Variants in TTC21B observed in about 807,000 individuals in gnomAD.
TTC21B encodes the protein tetratricopeptide repeat domain 21B, also known as tetratricopeptide repeat protein 21B.
In TTC21B, 127 loss-of-function variants were observed where a neutral mutation model predicts 175.1. The observed-to-expected ratio is 0.73, with a 90% confidence interval of 0.63 to 0.84. The LOEUF (loss-of-function observed/expected upper bound fraction) is 0.84, where lower values mean the gene tolerates loss of function less well. Ranked by LOEUF, TTC21B falls within the 40% of genes least tolerant of loss-of-function variation. TTC21B has a pLI of 0.00. For missense variants in TTC21B, 1,561 were observed against 1,558.3 expected (o/e 1.00, Z -0.03); for synonymous variants, 524 against 524.5 (o/e 1.00, Z 0.01).
chr2:165,944,506 C>A (rs1284619620), intron 4 of TTC21B, among the ~76,000 whole-genome samples: 1 of 152,150 alleles, frequency 6.6e-6, no homozygotes, highest in Non-Finnish European at 1.5e-5. Context: ...AAACCTTCCA[C>A]AAGGAAGTAC....
At chr2:165,950,855 G>A (rs1234490417) in intron 1 of TTC21B, among the ~76,000 whole-genome samples, 1 of 152,004 alleles carries the variant, frequency 6.6e-6, no homozygotes, top group Non-Finnish European at 1.5e-5. Context: ...TGATCCACCC[G>A]CCTGGGCCTC....
At chr2:165,895,926 T>C (rs1334642474) in intron 22 of TTC21B, among the ~76,000 whole-genome samples, 1 of 152,166 alleles carries the variant, frequency 6.6e-6, no homozygotes, top group Admixed American at 6.6e-5. Context: ...GTGTTGATAT[T>C]ACTGTAAAAA....
At chr2:165,918,627 A>C (rs62177812) in intron 13 of TTC21B, among the ~76,000 whole-genome samples, 44,582 of 151,924 alleles carry the variant, frequency 0.29, 7,477 homozygotes, top group Non-Finnish European at 0.39. Flanking sequence ...TCTCTAATTC[A>C]CTGAAGGGTT....
chr2:165,906,457 T>C (rs182435634), intron 19 of TTC21B, among the ~76,000 whole-genome samples: 47 of 152,180 alleles, frequency 3.1e-4, no homozygotes, highest in Non-Finnish European at 5.3e-4. Context: ...GGGACCTTTT[T>C]CACTGCATTT....
At chr2:165,940,953 A>C in intron 6 of TTC21B, 74 bp downstream of exon 6, 7 of 1,557,536 alleles carry the variant, frequency 4.5e-6, no homozygotes, top group Non-Finnish European at 4.4e-6. Flanking sequence ...TTATGAAAAA[A>C]ATTCACAGAT....
At chr2:165,936,237 A>T (rs1031171131) in intron 6 of TTC21B, among the ~76,000 whole-genome samples, 1 of 152,118 alleles carries the variant, frequency 6.6e-6, no homozygotes, top group African/African-American at 2.4e-5. Flanking sequence ...AATAAATGGC[A>T]CTGGAAAAAC....
rs1687692405 is a variant in TTC21B, at chr2:165,949,458, T to C, written c.198A>G (p.Lys66=). 1 of 1,613,770 alleles carries C rather than the reference T, an allele frequency of 6.2e-7. No homozygotes were observed. Among genetic ancestry groups the C allele is most frequent in the Non-Finnish European group, 8.5e-7 (1 of 1,179,878 alleles). ...ALREFEAIKN[K]QDVSLCSLLA... ...GTAGAGAACAAAGTGATACATCTTGTTTATTTTTAATAGCCTCAAATTCTC... is the reference window on the plus strand; with the variant it reads ...GTAGAGAACAAAGTGATACATCTTGCTTATTTTTAATAGCCTCAAATTCTC... The change falls in exon 3 of 29, where the codon AAA becomes AAG. Residue 66 remains lysine (K), a synonymous_variant. Transcript: ENST00000243344.
intron 22 of TTC21B, among the ~76,000 whole-genome samples, chr2:165,894,959 A>AACAG (rs923912124): frequency 1.1e-4 from 16 of 152,298 alleles, no homozygotes; most frequent in African/African-American, 3.6e-4. Flanking sequence ...ACTTTCTGTT[A>AACAG]GCATGGGAAG....
chr2:165,930,773 T>C lies in TTC21B; in HGVS notation c.895-409A>G, dbSNP rs924255499. On this transcript the variant is annotated intron_variant, in intron 8 of 28. Transcript: ENST00000243344. ...TGTGTGTGTGTGTGTGTGTATAATA[T>C]ATGTATGCTTTTTCTTATTGAATAA... Among the ~76,000 whole-genome samples, 7 of 98,582 alleles carry C rather than the reference T, an allele frequency of 7.1e-5. No individual in the cohort carries two copies. In the East Asian group the frequency reaches 1.8e-3, roughly 25 times the overall value. The allele number at this position is 98,582 out of a possible 152,430, so 64.7% of individuals were successfully genotyped here. A position where few individuals can be genotyped will look rare whatever the true frequency, so the allele number is the denominator to read the frequency against.
At position 165,901,924 on chromosome 2, in the gene TTC21B, G is replaced by A. The variant is rs376819748; in HGVS notation, c.2569-14C>T. 3 of 1,595,364 alleles carry A rather than the reference G, an allele frequency of 1.9e-6. No homozygotes were observed. The highest frequency in any genetic ancestry group is 4.5e-5 in the East Asian group (2 of 44,608). On this transcript the variant is annotated splice_polypyrimidine_tract_variant and intron_variant, in intron 19 of 28. Transcript: ENST00000243344. ...TAATTCTCGAGCCTAGAAAAAATCA[G>A]TATAAAAGGGAATAAAAAAAAAAAA... is the stretch of plus-strand genomic sequence containing the variant.
intron 3 of TTC21B, chr2:165,947,167 C>G (rs888663490): frequency 1.1e-4 from 2 of 18,170 alleles, no homozygotes; most frequent in Non-Finnish European, 1.7e-4. Context: ...TCTCCCCTCC[C>G]CCATATATAT....
intron 11 of TTC21B, among the ~76,000 whole-genome samples, chr2:165,926,377 C>T (rs1686629918): frequency 6.6e-6 from 1 of 152,134 alleles, no homozygotes; most frequent in African/African-American, 2.4e-5. Flanking sequence ...CCCCATTGTA[C>T]TCAGAATTAA....
chr2:165,949,498 G>A lies in TTC21B; in HGVS notation c.158C>T (p.Thr53Ile), dbSNP rs759976786. The A allele has an allele frequency of 6.2e-7, 1 of 1,613,446 alleles. No homozygotes were observed. The highest frequency in any genetic ancestry group is 1.7e-5 in the Admixed American group (1 of 60,008). ...HAYGTLMEGK[T>I]QEALREFEAI... is the part of the protein sequence containing the mutation. ...CTCAAATTCTCGAAGAGCTTCTTGA[G>A]TTTTACCTGAAAATCAAGATTATGA... Residue 53 changes from threonine (T) to isoleucine (I), a missense_variant, in exon 3 of 29, where the codon ACT becomes ATT. Coordinates refer to ENST00000243344, the MANE Select transcript of TTC21B (RefSeq NM_024753.5).
In TTC21B at chr2:165,899,849, G is replaced by A. The variant is rs745910455; in HGVS notation, c.2789C>T (p.Ala930Val). The A allele has an allele frequency of 1.5e-5, 25 of 1,613,508 alleles. No individual in the cohort carries two copies. The highest frequency in any genetic ancestry group is 2.0e-5 in the Non-Finnish European group (24 of 1,179,702). Residue 930 changes from alanine to valine, a missense_variant, in exon 21 of 29, where the codon GCA becomes GTA. Ala to Val is a moderately conservative substitution (Grantham distance 64). Coordinates refer to ENST00000243344, the MANE Select transcript of TTC21B (RefSeq NM_024753.5). ...IMLELARLYL[A>V]QDDPDSCLRQ... The stretch of plus-strand genomic sequence containing the variant: ...CAGGCAGGAATCAGGGTCATCTTGT[G>A]CCAGGTATAATCGTGCCAGTTCCAA...
At chr2:165,900,435 G>T (rs181725595) in intron 20 of TTC21B, among the ~76,000 whole-genome samples, 1 of 152,212 alleles carries the variant, frequency 6.6e-6, no homozygotes, top group African/African-American at 2.4e-5. Flanking sequence ...TTTTGTACAT[G>T]ATCACTTACT....
chr2:165,953,603 C>T lies in TTC21B; in HGVS notation c.21+82G>A, dbSNP rs113984110. 1.3e-3 allele frequency: 2,056 copies of T among 1,534,404 alleles called. 25 individuals carry two copies. The African/African-American group carries it at 0.025, about 19-fold the overall frequency. On this transcript the variant is annotated intron_variant, in intron 1 of 28. Transcript: ENST00000243344. ...GCGGCCTAGCGAAGCCACCCGAGCT[C>T]CCTCCGCGCCCCCGGGCCAAAAGGC...
At chr2:165,933,412 G>C (rs1242324404) in intron 6 of TTC21B, among the ~76,000 whole-genome samples, 1 of 152,034 alleles carries the variant, frequency 6.6e-6, no homozygotes, top group Non-Finnish European at 1.5e-5. Context: ...ATGCAAACCA[G>C]GGTCAAACAT....
Position 165,953,721 on chromosome 2 carries a change from G to GCGGCCC in TTC21B, c.-17_-16insGGGCCG. 1 of 1,540,338 alleles carries GCGGCCC rather than the reference G, an allele frequency of 6.5e-7. No homozygotes were observed. Among genetic ancestry groups the GCGGCCC allele is most frequent in the South Asian group, 1.2e-5 (1 of 83,940 alleles). On this transcript the variant is annotated 5_prime_UTR_variant, in exon 1 of 29. Transcript: ENST00000243344. ...GCGAGTCCATGGCTGCCCCGAGGCC[G>GCGGCCC]GGCCGCGGGGCTCTGGGGATTGTCT...
intron 11 of TTC21B, among the ~76,000 whole-genome samples, chr2:165,925,805 G>A (rs1023434091): frequency 3.9e-5 from 6 of 152,018 alleles, no homozygotes; most frequent in Non-Finnish European, 2.9e-5. Context: ...AGATTTTTAT[G>A]CTTCTTTGCA....
Sources: gnomAD v4.1 joint callset for allele counts (sites outside exome capture counted in the v4.1 genomes callset) on GRCh38, gnomAD v4.1.1 for gene constraint, MANE v1.5 for transcripts, NCBI Gene and HGNC (gene_info 2026-07-23, HGNC 2026-07-21) for gene names.